Variants in GYPE observed in about 807,000 individuals in gnomAD.
The protein encoded by GYPE is glycophorin E (MNS blood group), also known as glycophorin-E.
A neutral mutation model predicts 11.6 loss-of-function variants in GYPE; 8 were observed. That is an observed-to-expected ratio of 0.69 (90% CI 0.41 to 1.25). The LOEUF (loss-of-function observed/expected upper bound fraction) is 1.25, where lower values mean the gene tolerates loss of function less well. Ranked by LOEUF, GYPE falls within the 50% of genes most tolerant of loss-of-function variation. The probability of loss-of-function intolerance (pLI) is 0.01; values close to 1 mark genes in which losing one functional copy is unlikely to be tolerated. For missense variants in GYPE, 90 were observed against 92.8 expected (o/e 0.97, Z 0.12); for synonymous variants, 28 against 29.6 (o/e 0.94, Z 0.18).
intron 2 of GYPE, among the ~76,000 whole-genome samples, chr4:143,879,008 A>C (rs1050711637): frequency 1.3e-5 from 2 of 152,176 alleles, no homozygotes; most frequent in African/African-American, 4.8e-5. Context: ...AAAATATAAA[A>C]ATAATGAGAA....
intron 1 of GYPE, among the ~76,000 whole-genome samples, chr4:143,889,247 G>T (rs1744312795): frequency 6.6e-6 from 1 of 151,944 alleles, no homozygotes; most frequent in African/African-American, 2.4e-5. Flanking sequence ...TCCAGCTTCT[G>T]GTCATCCACA....
chr4:143,897,018 C>G (rs1250879776), intron 1 of GYPE, among the ~76,000 whole-genome samples: 2 of 138,436 alleles, frequency 1.4e-5, no homozygotes, highest in Admixed American at 7.4e-5. Context: ...GGGGTGGGGG[C>G]AGGGGGGAGG....
chr4:143,901,403 T>TA lies in GYPE; in HGVS notation c.37+4067dup, dbSNP rs563961426. 3.8e-3 allele frequency among the ~76,000 whole-genome samples: 455 copies of TA among 120,218 alleles called. 7 individuals carry two copies. The highest frequency in any genetic ancestry group is 0.013 in the African/African-American group (444 of 33,514). The allele number at this position is 120,218 out of a possible 152,430, so 78.9% of individuals were successfully genotyped here. On this transcript the variant is annotated intron_variant, in intron 1 of 3. Coordinates refer to ENST00000358615, the MANE Select transcript of GYPE (RefSeq NM_198682.3). ...TATATGGTTCTCTTTGCAGAAAATT[T>TA]AGAAAGTATTTAAAATGAGAAAAAA... is the stretch of plus-strand genomic sequence containing the variant.
At chr4:143,904,471 A>G (rs1305827055) in intron 1 of GYPE, among the ~76,000 whole-genome samples, 2 of 152,184 alleles carry the variant, frequency 1.3e-5, no homozygotes, top group Non-Finnish European at 2.9e-5. Flanking sequence ...AAGTAAAACT[A>G]GATTTGAACC....
chr4:143,896,743 A>T (rs1286115549), intron 1 of GYPE, among the ~76,000 whole-genome samples: 9 of 152,194 alleles, frequency 5.9e-5, no homozygotes, highest in Non-Finnish European at 1.2e-4. Context: ...AATAGCAGAG[A>T]CTTGGAACCA....
intron 2 of GYPE, among the ~76,000 whole-genome samples, chr4:143,879,395 TTTCA>T (rs1743936242): frequency 6.6e-6 from 1 of 152,210 alleles, no homozygotes; most frequent in Non-Finnish European, 1.5e-5. Flanking sequence ...AGGTATATTT[TTTCA>T]TTCTTTAGGC....
At chr4:143,882,306 A>C (rs1317524322) in intron 1 of GYPE, among the ~76,000 whole-genome samples, 19 of 128,514 alleles carry the variant, frequency 1.5e-4, no homozygotes, top group Non-Finnish European at 1.9e-4. Context: ...GAAGTTCAAC[A>C]AATATTAAAA....
intron 3 of GYPE, among the ~76,000 whole-genome samples, chr4:143,872,460 A>G (rs1743650034): frequency 6.6e-6 from 1 of 152,110 alleles, no homozygotes; most frequent in Non-Finnish European, 1.5e-5. Context: ...AGACTTGCCA[A>G]TAACCAGTTA....
chr4:143,880,462 T>G lies in GYPE; in HGVS notation c.85A>C (p.Thr29Pro). Reference protein sequence around the residue: ...ASSTTGVAMHTSTSSSVTKSY... With the variant: ...ASSTTGVAMHPSTSSSVTKSY... ...TTTGTGACTGAAGAAGAGGTTGAAGTGTGCATTGCCACACCAGTGGTACTT... is the reference window on the plus strand; with the variant it reads ...TTTGTGACTGAAGAAGAGGTTGAAGGGTGCATTGCCACACCAGTGGTACTT... The change falls in exon 2 of 4, where the codon ACT (threonine) becomes CCT (proline). Residue 29 changes from threonine to proline, a missense_variant. Thr to Pro is a conservative substitution (Grantham distance 38, BLOSUM62 -1). Transcript: ENST00000358615. The G allele has an allele frequency of 1.2e-6, 2 of 1,614,018 alleles. No individual in the cohort carries two copies. The highest frequency in any genetic ancestry group is 1.7e-5 in the Admixed American group (1 of 60,014).
chr4:143,874,437 G>C (rs867328224), intron 3 of GYPE, among the ~76,000 whole-genome samples: 64 of 152,260 alleles, frequency 4.2e-4, no homozygotes, highest in Non-Finnish European at 6.9e-4. Flanking sequence ...TTCTGAAATA[G>C]TTTAGAATTT....
intron 3 of GYPE, among the ~76,000 whole-genome samples, chr4:143,873,024 G>A (rs559711972): frequency 9.9e-5 from 15 of 152,242 alleles, no homozygotes; most frequent in African/African-American, 2.9e-4. Flanking sequence ...CTAATTGATA[G>A]TTTGAAAAAA....
In GYPE at chr4:143,876,851, T is replaced by C. The variant is rs758485761; in HGVS notation, c.141A>G (p.Ile47Met). 32 of 1,594,788 alleles carry C rather than the reference T, an allele frequency of 2.0e-5. No homozygotes were observed. Among genetic ancestry groups the C allele is most frequent in the Admixed American group, 3.3e-5 (2 of 59,784 alleles). Reference sequence around the variant, plus strand: ...CCATCGCCCACCAATTAATGAGTGTTATCCCTACAGGAGATAAAGAGAGCG... The same window carrying C: ...CCATCGCCCACCAATTAATGAGTGTCATCCCTACAGGAGATAAAGAGAGCG... ...KSYISSQTNG[I>M]TLINWWAMAR... Residue 47 changes from isoleucine to methionine, a missense_variant, in exon 3 of 4, where the codon ATA becomes ATG. By Grantham distance (10) the Ile-to-Met change is conservative (BLOSUM62 1). Transcript: ENST00000358615.
At chr4:143,882,722 T>A (rs1385066209) in intron 1 of GYPE, among the ~76,000 whole-genome samples, 1 of 152,176 alleles carries the variant, frequency 6.6e-6, no homozygotes, top group Non-Finnish European at 1.5e-5. Context: ...ATCCTCTCCA[T>A]GCTTCTCCTT....
chr4:143,900,941 C>T (rs1011327699), intron 1 of GYPE, among the ~76,000 whole-genome samples: 1 of 152,082 alleles, frequency 6.6e-6, no homozygotes, highest in South Asian at 2.1e-4. Flanking sequence ...TTAAATGCTA[C>T]CGATTGTACA....
intron 1 of GYPE, among the ~76,000 whole-genome samples, chr4:143,902,199 C>T (rs1744892461): frequency 2.6e-5 from 4 of 151,880 alleles, no homozygotes; most frequent in Admixed American, 2.0e-4. Flanking sequence ...ATGTGGCTGA[C>T]AATGTGTGGG....
intron 1 of GYPE, 60 bp from the exon 2 acceptor site, chr4:143,880,569 G>T: frequency 1.2e-6 from 2 of 1,612,154 alleles, no homozygotes; most frequent in Non-Finnish European, 1.7e-6. Context: ...GGACCATAAA[G>T]CATATCACAA....
intron 1 of GYPE, among the ~76,000 whole-genome samples, chr4:143,881,105 C>T (rs907874904): frequency 1.3e-5 from 2 of 151,570 alleles, no homozygotes; most frequent in African/African-American, 4.9e-5. Flanking sequence ...TATTACATTG[C>T]ATGAACCCAG....
At chr4:143,880,225 T>G (rs1186009362) in intron 2 of GYPE, among the ~76,000 whole-genome samples, 186 bp downstream of exon 2, 1 of 152,238 alleles carries the variant, frequency 6.6e-6, no homozygotes, top group Non-Finnish European at 1.5e-5. Context: ...GTATTATTTC[T>G]GTGAGATATT....
At chr4:143,887,699 C>T (rs1744259533) in intron 1 of GYPE, among the ~76,000 whole-genome samples, 1 of 150,624 alleles carries the variant, frequency 6.6e-6, no homozygotes, top group African/African-American at 2.4e-5. Context: ...CAAGTGTTGG[C>T]AAATCTCTCA....
Sources: gnomAD v4.1 joint callset for allele counts (sites outside exome capture counted in the v4.1 genomes callset) on GRCh38, gnomAD v4.1.1 for gene constraint, MANE v1.5 for transcripts, NCBI Gene and HGNC (gene_info 2026-07-23, HGNC 2026-07-21) for gene names.